The following BMPR1B variants were observed in gnomAD, a reference collection of about 807,000 sequenced individuals.
BMPR1B encodes bone morphogenetic protein receptor type-1B.
BMPR1B carries 12 observed loss-of-function variants against 59.1 expected under a neutral mutation model. The observed-to-expected ratio is 0.20, with a 90% CI of 0.13 to 0.33. BMPR1B has a LOEUF of 0.33. Among genes scored for constraint, BMPR1B ranks in the 10% least tolerant of loss-of-function variants. BMPR1B has a pLI of 1.00. For missense variants in BMPR1B, 550 were observed against 610.9 expected, an observed-to-expected ratio of 0.90 and a Z score of 1.05; for synonymous variants, 237 against 207.3, an observed-to-expected ratio of 1.14 and a Z score of -1.23.
At chr4:94,972,902 CCT>C (rs1359109655) in intron 2 of BMPR1B, among the ~76,000 whole-genome samples, 1 of 152,122 alleles carries the variant, frequency 6.6e-6, no homozygotes, top group Non-Finnish European at 1.5e-5. Flanking sequence ...TCAGCCTGCC[CCT>C]GTCTACCCCT....
rs568546611 is a variant in BMPR1B at position 95,066,921 on chromosome 4, C to T, written c.-17-37487C>T. Among the ~76,000 whole-genome samples the T allele has an allele frequency of 2.6e-5, 4 of 152,256 alleles. No individual in the cohort carries two copies. The East Asian group carries it at 7.7e-4, about 29-fold the overall frequency. On this transcript the variant is annotated intron_variant, in intron 3 of 12. Coordinates refer to ENST00000515059, the MANE Select transcript of BMPR1B (RefSeq NM_001203.3). ...ATGCATGGAAATGCATTTGTGAGCA[C>T]AGTTTTGGAACGATTAAAGCATTTT...
At chr4:94,975,948 A>G (rs1007966159) in intron 2 of BMPR1B, among the ~76,000 whole-genome samples, 16 of 152,362 alleles carry the variant, frequency 1.1e-4, no homozygotes, top group African/African-American at 3.8e-4. Flanking sequence ...ATAGTGGCTT[A>G]AAAACACAGT....
chr4:94,784,357 T>G (rs1293410510), intron 1 of BMPR1B, among the ~76,000 whole-genome samples: 1 of 152,216 alleles, frequency 6.6e-6, no homozygotes, highest in Non-Finnish European at 1.5e-5. Flanking sequence ...TTTTGTTCCT[T>G]GAAAGTTTGA....
intron 4 of BMPR1B, among the ~76,000 whole-genome samples, chr4:95,113,251 C>A (rs1397810944): frequency 6.6e-6 from 1 of 152,140 alleles, no homozygotes. Context: ...TCTTCCACAA[C>A]AATATTCATG....
In BMPR1B at chr4:94,773,217, A is replaced by G. The variant is rs141320287; in HGVS notation, c.-183+15149A>G. Among the ~76,000 whole-genome samples the G allele has an allele frequency of 6.6e-3, 1,010 of 152,260 alleles. 5 individuals carry two copies. The highest frequency in any genetic ancestry group is 0.016 in the South Asian group (76 of 4,830). On this transcript the variant is annotated intron_variant, in intron 1 of 12. Transcript: ENST00000515059. ...CTAGAATCTGGACTGATCACTTAAA[A>G]TGGAATATTGGCCAACTGGAATGGG...
At chr4:94,798,914 G>A (rs754748585) in intron 1 of BMPR1B, among the ~76,000 whole-genome samples, 3 of 151,766 alleles carry the variant, frequency 2.0e-5, no homozygotes, top group Non-Finnish European at 4.4e-5. Context: ...CTTTCAGAAA[G>A]CAGCATCCAG....
chr4:95,081,783 A>C (rs888993404), intron 3 of BMPR1B, among the ~76,000 whole-genome samples: 1 of 152,148 alleles, frequency 6.6e-6, no homozygotes, highest in African/African-American at 2.4e-5. Context: ...CCTCCTAACT[A>C]CATGTCTGTG....
rs149231466 is a variant in BMPR1B, at chr4:94,797,158, C to G, written c.-183+39090C>G. On this transcript the variant is annotated intron_variant, in intron 1 of 12. Transcript: ENST00000515059. ...TAGGACGAAGCAAAAGGGGAAACCC[C>G]TGATAAACCCATCAAATCTCGTGAG... 1.8e-4 allele frequency among the ~76,000 whole-genome samples: 28 copies of G among 152,282 alleles called. No homozygotes were observed. In the East Asian group the frequency reaches 4.8e-3, roughly 26 times the overall value.
chr4:95,157,090 G>A lies in BMPR1B; in HGVS notation c.*2417G>A, dbSNP rs1735480919. ...ATTTGAAATTAAGCTAGATTTCTAG[G>A]GAGGTGTTGGTTCCAATGAAGGATG... On this transcript the variant is annotated 3_prime_UTR_variant, in exon 13 of 13. Transcript: ENST00000515059. 1 of 152,086 alleles carries A rather than the reference G, an allele frequency of 6.6e-6. No homozygotes were observed. Among genetic ancestry groups the A allele is most frequent in the Non-Finnish European group, 1.5e-5 (1 of 67,984 alleles). 9.4% of individuals were successfully genotyped at this position (152,086 alleles called of 1,614,324 possible). A position where few individuals can be genotyped will look rare whatever the true frequency, so the allele number is the denominator to read the frequency against.
At chr4:94,884,144 C>T (rs1452277246) in intron 2 of BMPR1B, among the ~76,000 whole-genome samples, 1 of 152,206 alleles carries the variant, frequency 6.6e-6, no homozygotes, top group Non-Finnish European at 1.5e-5. Context: ...AATGATCTAA[C>T]TTCCTCAATT....
intron 1 of BMPR1B, among the ~76,000 whole-genome samples, chr4:94,824,687 TA>T (rs1357802040): frequency 6.6e-6 from 1 of 152,216 alleles, no homozygotes; most frequent in Non-Finnish European, 1.5e-5. Flanking sequence ...GAATTTTATT[TA>T]AAAGATTTGA....
At chr4:95,032,037 T>A (rs1430703341) in intron 3 of BMPR1B, among the ~76,000 whole-genome samples, 1 of 152,160 alleles carries the variant, frequency 6.6e-6, no homozygotes, top group Non-Finnish European at 1.5e-5. Context: ...GGAGCTCTTT[T>A]CATTTGGAGA....
chr4:95,039,541 G>A (rs541884543), intron 3 of BMPR1B, among the ~76,000 whole-genome samples: 24 of 151,706 alleles, frequency 1.6e-4, no homozygotes, highest in African/African-American at 5.8e-4. Flanking sequence ...AGATTACGAA[G>A]AGCTGCTATT....
chr4:95,083,367 C>A (rs1368991573), intron 3 of BMPR1B, among the ~76,000 whole-genome samples: 4 of 151,970 alleles, frequency 2.6e-5, no homozygotes, highest in African/African-American at 9.7e-5. Flanking sequence ...GTACCATAAT[C>A]ATGGTAAATA....
intron 2 of BMPR1B, among the ~76,000 whole-genome samples, chr4:94,973,438 G>A (rs1454981204): frequency 3.3e-5 from 5 of 152,224 alleles, no homozygotes; most frequent in South Asian, 2.1e-4. Context: ...GGCACAGGGC[G>A]GATAATCATC....
chr4:94,835,613 A>G (rs1180692542), intron 1 of BMPR1B, among the ~76,000 whole-genome samples: 1 of 152,002 alleles, frequency 6.6e-6, no homozygotes, highest in Non-Finnish European at 1.5e-5. Context: ...ACAATAATAT[A>G]TTTTTAGATT....
chr4:94,970,633 T>C (rs969828474), intron 2 of BMPR1B, among the ~76,000 whole-genome samples: 11 of 149,728 alleles, frequency 7.3e-5, no homozygotes, highest in Non-Finnish European at 1.5e-4. Flanking sequence ...TGTTTTAAAG[T>C]TTTTTTTATT....
chr4:94,914,150 T>C (rs532044418), intron 2 of BMPR1B, among the ~76,000 whole-genome samples: 56 of 152,126 alleles, frequency 3.7e-4, no homozygotes, highest in African/African-American at 1.3e-3. Context: ...TGGACAAATT[T>C]GAAGGATAGA....
chr4:94,962,364 A>G (rs1730403371), intron 2 of BMPR1B, among the ~76,000 whole-genome samples: 2 of 152,054 alleles, frequency 1.3e-5, no homozygotes, highest in South Asian at 4.1e-4. Flanking sequence ...TCTTGAACCC[A>G]TGACCTCAAG....
Sources: allele counts gnomAD v4.1 joint callset (sites outside exome capture counted in the v4.1 genomes callset), GRCh38; gene constraint gnomAD v4.1.1; transcripts MANE v1.5; gene names NCBI Gene and HGNC (gene_info 2026-07-23, HGNC 2026-07-21).